Variants in PLCXD3 observed in about 807,000 individuals in gnomAD.
The protein encoded by PLCXD3 is phosphatidylinositol specific phospholipase C X domain containing 3.
A neutral mutation model predicts 25.5 loss-of-function variants in PLCXD3; 19 were observed. That is an observed-to-expected ratio of 0.75 (90% CI 0.52 to 1.09). The LOEUF is 1.09. Ranked by LOEUF, PLCXD3 falls within the 50% of genes least tolerant of loss-of-function variation. PLCXD3 has a pLI of 0.00. For missense variants in PLCXD3, 411 were observed against 388.1 expected, an observed-to-expected ratio of 1.06 and a Z score of -0.50; for synonymous variants, 174 against 137.6, an observed-to-expected ratio of 1.26 and a Z score of -1.85.
chr5:41,387,176 G>C (rs1745662857), intron 1 of PLCXD3, among the ~76,000 whole-genome samples: 1 of 152,046 alleles, frequency 6.6e-6, no homozygotes, highest in South Asian at 2.1e-4. Flanking sequence ...TAGTGACTAA[G>C]TAGCCTCTAG....
chr5:41,499,523 C>T (rs1320111634), intron 1 of PLCXD3, among the ~76,000 whole-genome samples: 1 of 151,690 alleles, frequency 6.6e-6, no homozygotes, highest in Non-Finnish European at 1.5e-5. Flanking sequence ...AGTCATCATA[C>T]GTTCATGGAC....
At chr5:41,421,492 G>A (rs1332798721) in intron 1 of PLCXD3, among the ~76,000 whole-genome samples, 6 of 152,132 alleles carry the variant, frequency 3.9e-5, no homozygotes, top group Non-Finnish European at 7.4e-5. Context: ...ACAAGGTCAG[G>A]ATATTGAGAC....
chr5:41,509,914 G>A (rs1295258766), intron 1 of PLCXD3, among the ~76,000 whole-genome samples: 2 of 152,202 alleles, frequency 1.3e-5, no homozygotes, highest in Non-Finnish European at 2.9e-5. Flanking sequence ...GAAGCGCTTT[G>A]TCTTTTTAAA....
At chr5:41,385,851 T>C (rs1227768702) in intron 1 of PLCXD3, among the ~76,000 whole-genome samples, 2 of 152,092 alleles carry the variant, frequency 1.3e-5, no homozygotes, top group Non-Finnish European at 2.9e-5. Flanking sequence ...GCAGAGGTCT[T>C]TAGACTAACA....
chr5:41,310,483 AC>A lies in PLCXD3; in HGVS notation c.*3133del, dbSNP rs1449439153. The A allele has an allele frequency of 2.0e-5, 3 of 152,490 alleles. No homozygotes were observed. In the East Asian group the frequency reaches 5.8e-4, roughly 29 times the overall value. 9.4% of individuals were successfully genotyped at this position (152,490 alleles called of 1,614,324 possible). On this transcript the variant is annotated 3_prime_UTR_variant, in exon 3 of 3. Coordinates refer to ENST00000377801, the MANE Select transcript of PLCXD3 (RefSeq NM_001005473.3). ...AAAAGTGCACCAAGGTGTATCTACC[AC>A]CATCTTGGCGCCCATGTGTAGCCCT...
At chr5:41,391,073 G>A (rs961636384) in intron 1 of PLCXD3, among the ~76,000 whole-genome samples, 2 of 152,162 alleles carry the variant, frequency 1.3e-5, no homozygotes, top group Non-Finnish European at 2.9e-5. Context: ...TTGACTGCCT[G>A]CAAACCTCAC....
At chr5:41,327,220 C>T (rs1191800464) in intron 2 of PLCXD3, among the ~76,000 whole-genome samples, 1 of 152,024 alleles carries the variant, frequency 6.6e-6, no homozygotes, top group Non-Finnish European at 1.5e-5. Flanking sequence ...CTAGAGGGGA[C>T]ATGGGGACTA....
At chr5:41,391,275 G>A (rs189110532) in intron 1 of PLCXD3, among the ~76,000 whole-genome samples, 147 of 152,228 alleles carry the variant, frequency 9.7e-4, no homozygotes, top group African/African-American at 3.4e-3. Flanking sequence ...CTAACCTCAG[G>A]CTGCACAGCT....
chr5:41,489,449 T>G (rs925206718), intron 1 of PLCXD3, among the ~76,000 whole-genome samples: 1 of 152,176 alleles, frequency 6.6e-6, no homozygotes, highest in Admixed American at 6.5e-5. Flanking sequence ...TAAAGTAGTT[T>G]TTTCCAATTC....
At chr5:41,419,084 G>A (rs2150505527) in intron 1 of PLCXD3, among the ~76,000 whole-genome samples, 1 of 152,068 alleles carries the variant, frequency 6.6e-6, no homozygotes, top group East Asian at 1.9e-4. Flanking sequence ...CTTGGTATAT[G>A]TTAGAAACAT....
At chr5:41,476,027 C>A (rs1362513900) in intron 1 of PLCXD3, among the ~76,000 whole-genome samples, 1 of 152,198 alleles carries the variant, frequency 6.6e-6, no homozygotes, top group Non-Finnish European at 1.5e-5. Context: ...CATATTATTA[C>A]TAAAGGGCTT....
In PLCXD3 at chr5:41,508,527, C is replaced by T. The variant is rs573445921; in HGVS notation, c.103+1897G>A. On this transcript the variant is annotated intron_variant, in intron 1 of 2. Coordinates refer to ENST00000377801, the MANE Select transcript of PLCXD3 (RefSeq NM_001005473.3). ...CATGGAGGTAATAGTGCCAGCACTC[C>T]CTGCTTCATGGGGTTTTAGAAGGAT... Among the ~76,000 whole-genome samples, 18 of 152,302 alleles carry T rather than the reference C, an allele frequency of 1.2e-4. No individual in the cohort carries two copies. The South Asian group carries it at 2.7e-3, about 23-fold the overall frequency.
chr5:41,394,477 A>G lies in PLCXD3; in HGVS notation c.104-11943T>C, dbSNP rs541909330. 2.0e-5 allele frequency among the ~76,000 whole-genome samples: 3 copies of G among 152,308 alleles called. No individual in the cohort carries two copies. The South Asian group carries it at 6.2e-4, about 32-fold the overall frequency. On this transcript the variant is annotated intron_variant, in intron 1 of 2. Transcript: ENST00000377801. ...TAAGTTCTTACTAATCAATAATAACATTGAATGTAAATAGAGTAAATTCTG... is the reference window on the plus strand; with the variant it reads ...TAAGTTCTTACTAATCAATAATAACGTTGAATGTAAATAGAGTAAATTCTG...
At chr5:41,338,035 G>C (rs991263744) in intron 2 of PLCXD3, among the ~76,000 whole-genome samples, 1 of 152,078 alleles carries the variant, frequency 6.6e-6, no homozygotes, top group Non-Finnish European at 1.5e-5. Context: ...AGCCATAGAG[G>C]TGCCACATAT....
intron 1 of PLCXD3, among the ~76,000 whole-genome samples, chr5:41,509,376 A>T (rs1182492387): frequency 2.0e-5 from 3 of 152,078 alleles, no homozygotes; most frequent in Non-Finnish European, 2.9e-5. Flanking sequence ...AGCCAAATTG[A>T]CAATAAAGTA....
chr5:41,364,475 G>A (rs9784744), intron 2 of PLCXD3, among the ~76,000 whole-genome samples: 5,828 of 152,212 alleles, frequency 0.038, 387 homozygotes, highest in African/African-American at 0.13. Context: ...CAAAGGATAC[G>A]AAATTGTCAC....
Position 41,437,693 on chromosome 5 carries a change from T to G in PLCXD3, c.104-55159A>C, listed in dbSNP as rs147426209. ...GTTTGAAGAAGAGTCGTAGGTCAGA[T>G]AGATACCATGTCTGGTACGTACTGG... On this transcript the variant is annotated intron_variant, in intron 1 of 2. Transcript: ENST00000377801. Among the ~76,000 whole-genome samples the G allele has an allele frequency of 3.2e-4, 48 of 152,270 alleles. No individual in the cohort carries two copies. In the East Asian group the frequency reaches 6.8e-3, roughly 21 times the overall value.
chr5:41,351,135 T>G (rs916613194), intron 2 of PLCXD3, among the ~76,000 whole-genome samples: 3 of 152,228 alleles, frequency 2.0e-5, no homozygotes, highest in African/African-American at 7.2e-5. Flanking sequence ...AGATACCTTT[T>G]TTTTGAGGCA....
intron 2 of PLCXD3, among the ~76,000 whole-genome samples, chr5:41,347,711 T>C (rs1744339665): frequency 6.6e-6 from 1 of 152,156 alleles, no homozygotes; most frequent in South Asian, 2.1e-4. Context: ...CTAACACCTT[T>C]GTCCTGAGTT....
Sources: allele counts gnomAD v4.1 joint callset (sites outside exome capture counted in the v4.1 genomes callset), GRCh38; gene constraint gnomAD v4.1.1; transcripts MANE v1.5; gene names NCBI Gene and HGNC (gene_info 2026-07-23, HGNC 2026-07-21).